The following TNRC6B variants were observed in gnomAD, a reference collection of about 807,000 sequenced individuals.
TNRC6B encodes the protein trinucleotide repeat containing adaptor 6B.
In TNRC6B, 52 loss-of-function variants were observed where a neutral mutation model predicts 203.6. The observed-to-expected ratio is 0.26, with a 90% CI of 0.20 to 0.32. The LOEUF (loss-of-function observed/expected upper bound fraction) is 0.32. Among genes scored for constraint, TNRC6B ranks in the 10% least tolerant of loss-of-function variants. The pLI is 1.00. For synonymous variants in TNRC6B, 838 were observed against 845.7 expected, an observed-to-expected ratio of 0.99 and a Z score of 0.16; for missense variants, 1,923 against 2,286.2, an observed-to-expected ratio of 0.84 and a Z score of 3.24.
At chr22:40,316,925 AAAAC>A (rs766920080) in intron 21 of TNRC6B, among the ~76,000 whole-genome samples, 6 of 152,206 alleles carry the variant, frequency 3.9e-5, no homozygotes, top group East Asian at 1.9e-4. Flanking sequence ...GAAAGAGAAA[AAAAC>A]AAACAGAGTA....
In TNRC6B at chr22:40,066,103, C is replaced by T. The variant is rs1386214410; in HGVS notation, c.-121+21105C>T. Among the ~76,000 whole-genome samples the T allele has an allele frequency of 2.6e-5, 4 of 152,140 alleles. 1 individual carries two copies. The South Asian group carries it at 6.2e-4, about 24-fold the overall frequency. Reference sequence around the variant, plus strand: ...CCTTTTCAGAATCTAGCTCTGGCTCCTCAAGTAAAGGTATTCCTCTGAGTT... The same window carrying T: ...CCTTTTCAGAATCTAGCTCTGGCTCTTCAAGTAAAGGTATTCCTCTGAGTT... On this transcript the variant is annotated intron_variant, in intron 1 of 23. Transcript: ENST00000301923.
intron 7 of TNRC6B, among the ~76,000 whole-genome samples, chr22:40,273,857 G>T (rs1420318278): frequency 6.6e-6 from 1 of 152,008 alleles, no homozygotes; most frequent in East Asian, 1.9e-4. Flanking sequence ...TCGCCCTGTT[G>T]CCAGGATGGT....
At chr22:40,164,874 A>G (rs1320963056) in intron 4 of TNRC6B, among the ~76,000 whole-genome samples, 3 of 144,168 alleles carry the variant, frequency 2.1e-5, no homozygotes, top group African/African-American at 5.2e-5. Flanking sequence ...CTCCGCCTCC[A>G]GGGTTCAAGC....
intron 3 of TNRC6B, among the ~76,000 whole-genome samples, chr22:40,150,135 T>C (rs995695581): frequency 6.6e-6 from 1 of 152,156 alleles, no homozygotes; most frequent in Non-Finnish European, 1.5e-5. Flanking sequence ...ATTTTTACTT[T>C]GGGAGGCCAA....
In TNRC6B at chr22:40,321,099, T is replaced by C; in HGVS notation, c.4984T>C (p.Ser1662Pro). The change falls in exon 22 of 23, where the codon TCA becomes CCA. Residue 1662 changes from serine (S) to proline (P), a missense_variant. Around this residue, in one of 8 missense-constraint regions of TNRC6B, gnomAD observed 34 missense variants for 98.5 expected, o/e 0.35. Transcript: ENST00000454349. Reference sequence around the variant, plus strand: ...TGTCATTACTCCTTAGATTGATGGGTCAACCTTGAGAACGATCTGCATGCA... The same window carrying C: ...TGTCATTACTCCTTAGATTGATGGGCCAACCTTGAGAACGATCTGCATGCA... ...LHNLTPQIDGSTLRTICMQHG... is the reference protein window; with the variant it reads ...LHNLTPQIDGPTLRTICMQHG... 1 of 1,613,924 alleles carries C rather than the reference T, an allele frequency of 6.2e-7. No individual in the cohort carries two copies. The highest frequency in any genetic ancestry group is 2.2e-5 in the East Asian group (1 of 44,888).
At chr22:40,068,718 A>G (rs1012538442) in intron 1 of TNRC6B, among the ~76,000 whole-genome samples, 4 of 151,858 alleles carry the variant, frequency 2.6e-5, no homozygotes, top group Non-Finnish European at 4.4e-5. Flanking sequence ...GTTTTGTTTA[A>G]GTAAAAGGAA....
intron 1 of TNRC6B, among the ~76,000 whole-genome samples, chr22:40,219,165 C>T (rs552100783): frequency 2.0e-4 from 30 of 152,278 alleles, no homozygotes; most frequent in African/African-American, 5.8e-4. Flanking sequence ...CCTGGGAGAC[C>T]GGGCTGAGCC....
chr22:40,054,660 A>G (rs1017885045), intron 1 of TNRC6B, among the ~76,000 whole-genome samples: 5 of 152,260 alleles, frequency 3.3e-5, no homozygotes, highest in African/African-American at 1.2e-4. Flanking sequence ...AACATCTAGC[A>G]CTGTGAGTTG....
chr22:40,134,792 A>G (rs2068584003), intron 3 of TNRC6B, among the ~76,000 whole-genome samples: 1 of 152,216 alleles, frequency 6.6e-6, no homozygotes, highest in Non-Finnish European at 1.5e-5. Flanking sequence ...AACAGCAGAA[A>G]CTGCATCCGG....
chr22:40,098,055 G>A (rs2068199369), intron 1 of TNRC6B, among the ~76,000 whole-genome samples: 1 of 151,610 alleles, frequency 6.6e-6, no homozygotes, highest in Admixed American at 6.6e-5. Context: ...CTTGTGAGGT[G>A]TGTGTGTGTG....
chr22:40,280,421 A>G (rs1267615385), intron 10 of TNRC6B, among the ~76,000 whole-genome samples: 2 of 152,264 alleles, frequency 1.3e-5, no homozygotes, highest in Non-Finnish European at 2.9e-5. Flanking sequence ...CTTACTCTGC[A>G]TTCTTTTTTC....
At chr22:40,147,673 C>G (rs1286352939) in intron 3 of TNRC6B, among the ~76,000 whole-genome samples, 1 of 152,172 alleles carries the variant, frequency 6.6e-6, no homozygotes, top group East Asian at 1.9e-4. Context: ...TAAACACCTT[C>G]CAGAAGGCCC....
intron 1 of TNRC6B, among the ~76,000 whole-genome samples, chr22:40,051,203 C>T (rs1399753569): frequency 6.6e-6 from 1 of 152,192 alleles, no homozygotes; most frequent in Admixed American, 6.5e-5. Context: ...AGTCTTGCCA[C>T]AGTGAGATAG....
At chr22:40,233,005 A>G (rs564658351) in intron 1 of TNRC6B, among the ~76,000 whole-genome samples, 4 of 151,942 alleles carry the variant, frequency 2.6e-5, no homozygotes, top group African/African-American at 9.7e-5. Flanking sequence ...AAAATTAGCC[A>G]GGTGTAGTGG....
At chr22:40,224,363 T>G (rs1239568017) in intron 1 of TNRC6B, among the ~76,000 whole-genome samples, 1 of 152,220 alleles carries the variant, frequency 6.6e-6, no homozygotes, top group African/African-American at 2.4e-5. Context: ...GATCTATATC[T>G]TAGGAGGCTA....
At chr22:40,091,208 C>G (rs1398649335) in intron 1 of TNRC6B, among the ~76,000 whole-genome samples, 1 of 151,964 alleles carries the variant, frequency 6.6e-6, no homozygotes, top group Non-Finnish European at 1.5e-5. Flanking sequence ...TGGTCTCGAT[C>G]TCCTGACCTC....
At chr22:40,133,799 T>C (rs763252179) in intron 3 of TNRC6B, among the ~76,000 whole-genome samples, 10 of 151,350 alleles carry the variant, frequency 6.6e-5, no homozygotes, top group Non-Finnish European at 1.2e-4. Context: ...AGAAACCCTG[T>C]CTCTACTGAA....
intron 1 of TNRC6B, among the ~76,000 whole-genome samples, chr22:40,069,521 C>T (rs376745609): frequency 2.9e-4 from 43 of 147,352 alleles, no homozygotes; most frequent in African/African-American, 1.1e-3. Context: ...GAGTTTCGCT[C>T]TCATTGCCCC....
At chr22:40,086,368 A>G (rs907686923) in intron 1 of TNRC6B, among the ~76,000 whole-genome samples, 1 of 152,202 alleles carries the variant, frequency 6.6e-6, no homozygotes, top group Admixed American at 6.5e-5. Context: ...ATCATATTTC[A>G]TAGATGTGAA....
Sources: allele counts gnomAD v4.1 joint callset (sites outside exome capture counted in the v4.1 genomes callset), GRCh38; gene constraint gnomAD v4.1.1; regional missense constraint gnomAD v4.1.1; transcripts MANE v1.5; gene names NCBI Gene and HGNC (gene_info 2026-07-23, HGNC 2026-07-21).